NKAIN2: variants seen among roughly 807,000 people sequenced by gnomAD.
NKAIN2 encodes the protein sodium/potassium-transporting ATPase subunit beta-1-interacting protein 2.
In NKAIN2, 14 loss-of-function variants were observed where a neutral mutation model predicts 32.6. The observed-to-expected ratio is 0.43, with a 90% CI of 0.28 to 0.67. The LOEUF (loss-of-function observed/expected upper bound fraction) is 0.67. Among genes scored for constraint, NKAIN2 ranks in the 30% least tolerant of loss-of-function variants. NKAIN2 has a pLI of 0.17. For synonymous variants in NKAIN2, 80 were observed against 87.2 expected, an observed-to-expected ratio of 0.92 and a Z score of 0.46; for missense variants, 198 against 258.3, an observed-to-expected ratio of 0.77 and a Z score of 1.60.
At chr6:123,962,742 A>G (rs1262310554) in intron 1 of NKAIN2, among the ~76,000 whole-genome samples, 1 of 152,196 alleles carries the variant, frequency 6.6e-6, no homozygotes, top group Non-Finnish European at 1.5e-5. Context: ...CGTGAGGCAC[A>G]TTAGGTGATC....
chr6:124,088,008 C>T (rs78680840), intron 1 of NKAIN2, among the ~76,000 whole-genome samples: 2,943 of 152,002 alleles, frequency 0.019, 86 homozygotes, highest in African/African-American at 0.064. Context: ...ACGTTGCATT[C>T]GCATTTTTGC....
At chr6:124,509,007 A>G (rs1778605158) in intron 3 of NKAIN2, among the ~76,000 whole-genome samples, 2 of 152,142 alleles carry the variant, frequency 1.3e-5, no homozygotes, top group African/African-American at 4.8e-5. Flanking sequence ...TCCTACCTAT[A>G]AATAAGGTTA....
intron 1 of NKAIN2, among the ~76,000 whole-genome samples, chr6:124,010,575 G>T (rs1330915995): frequency 1.3e-5 from 2 of 150,386 alleles, no homozygotes; most frequent in African/African-American, 2.5e-5. Flanking sequence ...TGTGACCTGG[G>T]CTCAAACACT....
intron 3 of NKAIN2, among the ~76,000 whole-genome samples, chr6:124,497,952 A>G (rs1583340537): frequency 6.6e-6 from 1 of 152,170 alleles, no homozygotes; most frequent in East Asian, 1.9e-4. Flanking sequence ...AAACCTGACC[A>G]TGTCTAAAAT....
chr6:124,016,945 G>A (rs1780600236), intron 1 of NKAIN2, among the ~76,000 whole-genome samples: 1 of 152,168 alleles, frequency 6.6e-6, no homozygotes, highest in African/African-American at 2.4e-5. Context: ...GTGCCTTTAA[G>A]TTCAAGCCTA....
At chr6:124,408,467 T>G (rs1335972657) in intron 3 of NKAIN2, among the ~76,000 whole-genome samples, 1 of 152,186 alleles carries the variant, frequency 6.6e-6, no homozygotes, top group East Asian at 1.9e-4. Flanking sequence ...CTTTCCCCAT[T>G]GTTTGTTTTT....
intron 6 of NKAIN2, among the ~76,000 whole-genome samples, chr6:124,822,739 A>T (rs1781441891): frequency 6.6e-6 from 1 of 152,190 alleles, no homozygotes; most frequent in South Asian, 2.1e-4. Context: ...CACAAAAAAA[A>T]TCCCATGTCT....
At chr6:123,936,926 G>C (rs895000412) in intron 1 of NKAIN2, among the ~76,000 whole-genome samples, 1 of 152,084 alleles carries the variant, frequency 6.6e-6, no homozygotes, top group Non-Finnish European at 1.5e-5. Context: ...AATACAAATG[G>C]GCATTCATTA....
intron 1 of NKAIN2, among the ~76,000 whole-genome samples, chr6:123,994,611 A>C (rs1779543395): frequency 6.6e-6 from 1 of 152,072 alleles, no homozygotes; most frequent in South Asian, 2.1e-4. Context: ...GCCCTTGCAT[A>C]TGCTTCTCCA....
intron 4 of NKAIN2, among the ~76,000 whole-genome samples, chr6:124,754,362 T>C (rs552756972): frequency 9.2e-5 from 14 of 152,246 alleles, no homozygotes; most frequent in South Asian, 8.3e-4. Context: ...TTAGACTTTA[T>C]TGAGAATCTT....
At chr6:124,193,299 A>G (rs1790125220) in intron 1 of NKAIN2, among the ~76,000 whole-genome samples, 1 of 152,174 alleles carries the variant, frequency 6.6e-6, no homozygotes, top group South Asian at 2.1e-4. Flanking sequence ...CAGGGCAGCA[A>G]GGGGTGTGTG....
At chr6:124,568,135 C>A (rs1314444469) in intron 3 of NKAIN2, among the ~76,000 whole-genome samples, 2 of 152,180 alleles carry the variant, frequency 1.3e-5, no homozygotes. Flanking sequence ...CAAAGCAAGC[C>A]AAGTGGCTGA....
At chr6:124,454,013 G>T (rs780491552) in intron 3 of NKAIN2, among the ~76,000 whole-genome samples, 1 of 150,116 alleles carries the variant, frequency 6.7e-6, no homozygotes, top group Non-Finnish European at 1.5e-5. Flanking sequence ...TTATTCAGTA[G>T]CTATGACACA....
intron 1 of NKAIN2, among the ~76,000 whole-genome samples, chr6:124,113,579 A>C (rs1374539734): frequency 6.6e-6 from 1 of 152,056 alleles, no homozygotes; most frequent in Non-Finnish European, 1.5e-5. Flanking sequence ...TCAGAGCTTC[A>C]AGGCTAGCAA....
At chr6:124,741,818 C>T (rs1354688630) in intron 4 of NKAIN2, among the ~76,000 whole-genome samples, 1 of 151,764 alleles carries the variant, frequency 6.6e-6, no homozygotes, top group African/African-American at 2.4e-5. Flanking sequence ...ATGTGTAAGC[C>T]ACTTTGATTC....
At chr6:124,483,605 C>T (rs632421) in intron 3 of NKAIN2, among the ~76,000 whole-genome samples, 118,398 of 151,918 alleles carry the variant, frequency 0.78, 46,271 homozygotes, top group African/African-American at 0.82. Flanking sequence ...ATAAGGAAAA[C>T]AGGTAAATAA....
At chr6:124,801,237 C>A (rs529777923) in intron 5 of NKAIN2, among the ~76,000 whole-genome samples, 1 of 152,270 alleles carries the variant, frequency 6.6e-6, no homozygotes, top group Admixed American at 6.5e-5. Flanking sequence ...GGAAATAACT[C>A]CTTTACACTA....
chr6:123,874,423 CTTG>C lies in NKAIN2; in HGVS notation c.54+70172_54+70174del, dbSNP rs377297702. 1.2e-4 allele frequency among the ~76,000 whole-genome samples: 19 copies of C among 152,200 alleles called. No homozygotes were observed. In the East Asian group the frequency reaches 1.5e-3, roughly 12 times the overall value. Reference sequence around the variant, plus strand: ...GACCCTGATCTCAGAAGCATGCCGGCTTGTTTACAGCCCTGACTGGGAAAAGGC... The same window carrying C: ...GACCCTGATCTCAGAAGCATGCCGGCTTTACAGCCCTGACTGGGAAAAGGC... On this transcript the variant is annotated intron_variant, in intron 1 of 6. Coordinates refer to ENST00000368417, the MANE Select transcript of NKAIN2 (RefSeq NM_001040214.3).
intron 1 of NKAIN2, among the ~76,000 whole-genome samples, chr6:124,194,067 G>A (rs910327306): frequency 6.6e-6 from 1 of 152,046 alleles, no homozygotes; most frequent in South Asian, 2.1e-4. Flanking sequence ...ATGGGTCTCA[G>A]TGGGGAGGAC....
Sources: gnomAD v4.1 joint callset for allele counts (sites outside exome capture counted in the v4.1 genomes callset) on GRCh38, gnomAD v4.1.1 for gene constraint, MANE v1.5 for transcripts, NCBI Gene and HGNC (gene_info 2026-07-23, HGNC 2026-07-21) for gene names.